The following SLC22A3 variants were observed in gnomAD, a reference collection of about 807,000 sequenced individuals.
SLC22A3 encodes the protein EMT organic cation transporter 3.
In SLC22A3, 51 loss-of-function variants were observed where a neutral mutation model predicts 59.1. The ratio of observed to expected loss-of-function variants is 0.86; its 90% CI spans 0.69 to 1.09. SLC22A3 has a LOEUF of 1.09. Among genes scored for constraint, SLC22A3 ranks in the 50% least tolerant of loss-of-function variants. The pLI is 0.00. For missense variants in SLC22A3, 711 were observed against 726.3 expected (o/e 0.98, Z 0.24); for synonymous variants, 325 against 292.0 (o/e 1.11, Z -1.15).
intron 5 of SLC22A3, among the ~76,000 whole-genome samples, chr6:160,429,916 T>C (rs1788090960): frequency 6.6e-6 from 1 of 151,788 alleles, no homozygotes; most frequent in African/African-American, 2.4e-5. Flanking sequence ...TGCCTTTATG[T>C]GTCACAGCAT....
At chr6:160,366,904 T>A (rs1214933895) in intron 1 of SLC22A3, among the ~76,000 whole-genome samples, 1 of 152,138 alleles carries the variant, frequency 6.6e-6, no homozygotes, top group East Asian at 1.9e-4. Context: ...CATCTTCCTG[T>A]CTTTTGAGCC....
chr6:160,351,815 AAG>A (rs1347015571), intron 1 of SLC22A3, among the ~76,000 whole-genome samples: 6 of 152,154 alleles, frequency 3.9e-5, no homozygotes, highest in African/African-American at 1.4e-4. Context: ...GGCTTCATAG[AAG>A]AGAGACCTGA....
At chr6:160,361,949 A>G (rs1346648681) in intron 1 of SLC22A3, among the ~76,000 whole-genome samples, 1 of 152,228 alleles carries the variant, frequency 6.6e-6, no homozygotes, top group African/African-American at 2.4e-5. Context: ...TGGTAACTTG[A>G]GAATACAATG....
At chr6:160,350,714 C>A (rs1157779482) in intron 1 of SLC22A3, among the ~76,000 whole-genome samples, 2 of 152,170 alleles carry the variant, frequency 1.3e-5, no homozygotes, top group Non-Finnish European at 2.9e-5. Context: ...ACATAAAAAT[C>A]TGTAATTTAA....
rs189883656 is a variant in SLC22A3 at position 160,437,085 on chromosome 6, G to T, written c.1162G>T (p.Val388Leu). 3.7e-6 allele frequency: 6 copies of T among 1,614,042 alleles called. No individual in the cohort carries two copies. The South Asian group carries it at 4.4e-5, about 12-fold the overall frequency. The change falls in exon 7 of 11, where the codon GTG becomes TTG. Residue 388 changes from valine to leucine, a missense_variant. By Grantham distance (32) the Val-to-Leu change is conservative. Coordinates refer to ENST00000275300, the MANE Select transcript of SLC22A3 (RefSeq NM_021977.4). ...NLYIDFFISGVVELPGALLIL... is the reference protein window; with the variant it reads ...NLYIDFFISGLVELPGALLIL... ...CTATATAGACTTTTTCATCTCGGGC[G>T]TGGTGGAACTGCCAGGAGCTCTCTT...
chr6:160,379,806 T>C (rs1785731211), intron 1 of SLC22A3, among the ~76,000 whole-genome samples: 1 of 152,236 alleles, frequency 6.6e-6, no homozygotes, highest in Admixed American at 6.5e-5. Flanking sequence ...ATGCTGACTA[T>C]GTCACCAGAT....
chr6:160,348,490 T>A lies in SLC22A3; in HGVS notation c.71T>A (p.Leu24Gln), dbSNP rs1440613618. The A allele has an allele frequency of 3.2e-6, 5 of 1,558,170 alleles. No individual in the cohort carries two copies. The African/African-American group carries it at 7.1e-5, about 22-fold the overall frequency. ...CGCTTCCAGAGGCGCGTGTTTTTGCTGCTGTGCCTGACGGGCGTCACCTTC... is the reference window on the plus strand; with the variant it reads ...CGCTTCCAGAGGCGCGTGTTTTTGCAGCTGTGCCTGACGGGCGTCACCTTC... ...FGRFQRRVFL[L>Q]LCLTGVTFAF... The change falls in exon 1 of 11, where the codon CTG (leucine) becomes CAG (glutamine). Residue 24 changes from leucine to glutamine, a missense_variant. Coordinates refer to ENST00000275300, the MANE Select transcript of SLC22A3 (RefSeq NM_021977.4).
chr6:160,410,057 C>T (rs551646319), intron 4 of SLC22A3, among the ~76,000 whole-genome samples: 8 of 152,178 alleles, frequency 5.3e-5, no homozygotes, highest in Non-Finnish European at 1.2e-4. Flanking sequence ...CACTCTGTTG[C>T]CCAGGCTGGA....
At position 160,398,119 on chromosome 6, in the gene SLC22A3, A is replaced by G. The variant is rs369547127; in HGVS notation, c.533+37A>G. The G allele has an allele frequency of 2.2e-4, 302 of 1,387,056 alleles. 3 individuals are homozygous for G. In the Middle Eastern group the frequency reaches 2.7e-3, roughly 12 times the overall value. The allele number at this position is 1,387,056 out of a possible 1,614,324, so 85.9% of individuals were successfully genotyped here. On this transcript the variant is annotated intron_variant, in intron 2 of 10. Transcript: ENST00000275300. The stretch of plus-strand genomic sequence containing the variant: ...TGTGACAGCCATTTTATGTCACTAT[A>G]ATACCATGCATTAATACGGGGAGAA...
chr6:160,408,688 ATTTG>A (rs1583486390), intron 3 of SLC22A3, 61 bp from the exon 4 acceptor site: 6 of 1,505,134 alleles, frequency 4.0e-6, no homozygotes, highest in Non-Finnish European at 3.7e-6. Context: ...ACATCTCTGT[ATTTG>A]TTTGTTTATT....
At chr6:160,447,594 C>A in intron 9 of SLC22A3, 125 bp from the exon 10 acceptor site, 1 of 784,310 alleles carries the variant, frequency 1.3e-6, no homozygotes, top group African/African-American at 1.7e-5. Context: ...ATCTGGGATG[C>A]AGAGGTTGCT....
intron 5 of SLC22A3, among the ~76,000 whole-genome samples, chr6:160,434,224 AT>A (rs1003317205): frequency 2.0e-5 from 3 of 152,204 alleles, no homozygotes; most frequent in African/African-American, 4.8e-5. Flanking sequence ...ATCTAGTCAA[AT>A]TTTTTTCATA....
At chr6:160,429,369 A>G (rs1788069717) in intron 5 of SLC22A3, among the ~76,000 whole-genome samples, 1 of 152,204 alleles carries the variant, frequency 6.6e-6, no homozygotes, top group Admixed American at 6.5e-5. Flanking sequence ...GAAGTCTCCT[A>G]TTGAGAATAA....
Position 160,348,536 on chromosome 6 carries a change from G to GCCC in SLC22A3, c.117_118insCCC (p.Val39_Val40insPro). 1 of 1,561,202 alleles carries GCCC rather than the reference G, an allele frequency of 6.4e-7. No individual in the cohort carries two copies. Among genetic ancestry groups the GCCC allele is most frequent in the Non-Finnish European group, 8.6e-7 (1 of 1,162,520 alleles). ...CCTTCGCCTTCCTCTTCGTCGGCGT[G>GCCC]GTCTTCCTGGGCACGCAGCCCGACC... On this transcript the variant is annotated inframe_insertion, in exon 1 of 11. Coordinates refer to ENST00000275300, the MANE Select transcript of SLC22A3 (RefSeq NM_021977.4).
chr6:160,413,431 A>G (rs1787338656), intron 5 of SLC22A3, among the ~76,000 whole-genome samples: 1 of 152,214 alleles, frequency 6.6e-6, no homozygotes, highest in Non-Finnish European at 1.5e-5. Context: ...ATGAATCTCT[A>G]TGCATATCCC....
chr6:160,389,143 T>C (rs1362748862), intron 1 of SLC22A3, among the ~76,000 whole-genome samples: 2 of 152,208 alleles, frequency 1.3e-5, no homozygotes, highest in African/African-American at 4.8e-5. Flanking sequence ...TCAGATGACA[T>C]GATGATGAAA....
chr6:160,381,506 A>C (rs1785795080), intron 1 of SLC22A3, among the ~76,000 whole-genome samples: 1 of 152,202 alleles, frequency 6.6e-6, no homozygotes, highest in South Asian at 2.1e-4. Context: ...TTCTAAAGGG[A>C]AAGTATATGA....
intron 5 of SLC22A3, among the ~76,000 whole-genome samples, chr6:160,417,124 C>T (rs1787529235): frequency 6.6e-6 from 1 of 152,228 alleles, no homozygotes; most frequent in Non-Finnish European, 1.5e-5. Context: ...TCTCTGTAGG[C>T]AATATACTTC....
At chr6:160,428,248 C>T (rs1788035525) in intron 5 of SLC22A3, among the ~76,000 whole-genome samples, 1 of 152,190 alleles carries the variant, frequency 6.6e-6, no homozygotes, top group South Asian at 2.1e-4. Flanking sequence ...GATAGAGGCC[C>T]ATTTGCTGTT....
Sources: gnomAD v4.1 joint callset for allele counts (sites outside exome capture counted in the v4.1 genomes callset) on GRCh38, gnomAD v4.1.1 for gene constraint, MANE v1.5 for transcripts, NCBI Gene and HGNC (gene_info 2026-07-23, HGNC 2026-07-21) for gene names.